The following PCDH7 variants were observed in gnomAD, a reference collection of about 807,000 sequenced individuals.
PCDH7 encodes the protein protocadherin-7.
PCDH7 carries 17 observed loss-of-function variants against 58.9 expected under a neutral mutation model. The ratio of observed to expected loss-of-function variants is 0.29; its 90% CI spans 0.20 to 0.43. PCDH7 has a LOEUF of 0.43. Ranked by LOEUF, PCDH7 falls within the 20% of genes least tolerant of loss-of-function variation. PCDH7 has a pLI of 1.00. For missense variants in PCDH7, 1,274 were observed against 1,441.0 expected, an observed-to-expected ratio of 0.88 and a Z score of 1.88; for synonymous variants, 664 against 616.4, an observed-to-expected ratio of 1.08 and a Z score of -1.14.
rs560085336 is a variant in PCDH7, at chr4:30,752,622, T to C, written c.70+28026T>C. 2.8e-5 allele frequency among the ~76,000 whole-genome samples: 4 copies of C among 144,432 alleles called. No individual in the cohort carries two copies. In the South Asian group the frequency reaches 9.0e-4, roughly 32 times the overall value. The allele number at this position is 144,432 out of a possible 152,430, so 94.8% of individuals were successfully genotyped here. The stretch of plus-strand genomic sequence containing the variant: ...CAGTGCACGTATGTATTAGAAGATA[T>C]GGACTCTTACTTTTTTTTTTTTTTG... On this transcript the variant is annotated intron_variant, in intron 1 of 3. Coordinates refer to the PCDH7 transcript ENST00000509759.
chr4:31,017,517 A>G (rs1753712590), intron 3 of PCDH7, among the ~76,000 whole-genome samples: 1 of 152,168 alleles, frequency 6.6e-6, no homozygotes, highest in Non-Finnish European at 1.5e-5. Context: ...AGTAGAAGAA[A>G]TTAAGTAGAA....
chr4:31,083,459 T>C (rs1711888921), intron 3 of PCDH7, among the ~76,000 whole-genome samples: 1 of 152,226 alleles, frequency 6.6e-6, no homozygotes, highest in Non-Finnish European at 1.5e-5. Flanking sequence ...CCACTTAAAT[T>C]ATTTTGCTTT....
At chr4:30,911,518 G>A (rs4692486) in intron 1 of PCDH7, among the ~76,000 whole-genome samples, 11 of 151,854 alleles carry the variant, frequency 7.2e-5, no homozygotes, top group African/African-American at 2.7e-4. Flanking sequence ...TTAAAATAAC[G>A]CAGCAATAAA....
intron 3 of PCDH7, among the ~76,000 whole-genome samples, chr4:31,113,455 A>T (rs1427068163): frequency 6.6e-6 from 1 of 152,202 alleles, no homozygotes; most frequent in Non-Finnish European, 1.5e-5. Context: ...AAAGATCCTC[A>T]TGTAGGACAT....
At chr4:30,734,837 G>A (rs954287169), downstream of PCDH7, among the ~76,000 whole-genome samples, 4 of 152,050 alleles carry the variant, frequency 2.6e-5, no homozygotes, top group Non-Finnish European at 5.9e-5. Flanking sequence ...TTGGAATATG[G>A]GGTGGCTATT....
At chr4:31,076,877 A>T (rs1759040073) in intron 3 of PCDH7, among the ~76,000 whole-genome samples, 1 of 152,178 alleles carries the variant, frequency 6.6e-6, no homozygotes, top group African/African-American at 2.4e-5. Context: ...TTGCACACTT[A>T]GGATAAAAGG....
Position 31,131,375 on chromosome 4 carries a change from T to A in PCDH7, c.*8-11098T>A, listed in dbSNP as rs529662712. On this transcript the variant is annotated intron_variant, in intron 3 of 3. Transcript: ENST00000509759. ...TTGTTTGCTGGTCACCAGAGATCATTTTCTTCCTTTTCCTTTTATTTACCT... is the reference window on the plus strand; with the variant it reads ...TTGTTTGCTGGTCACCAGAGATCATATTCTTCCTTTTCCTTTTATTTACCT... Among the ~76,000 whole-genome samples the A allele has an allele frequency of 3.9e-5, 6 of 152,286 alleles. No individual in the cohort carries two copies. In the East Asian group the frequency reaches 1.2e-3, roughly 29 times the overall value.
At chr4:30,906,624 G>A (rs914579356) in intron 1 of PCDH7, among the ~76,000 whole-genome samples, 1 of 152,152 alleles carries the variant, frequency 6.6e-6, no homozygotes, top group African/African-American at 2.4e-5. Flanking sequence ...TTGAAACAAT[G>A]AGATATATTT....
At chr4:31,003,600 C>A (rs1437188720) in intron 3 of PCDH7, among the ~76,000 whole-genome samples, 1 of 151,964 alleles carries the variant, frequency 6.6e-6, no homozygotes, top group East Asian at 1.9e-4. Context: ...ACCACTATGT[C>A]GGCGCTCAAA....
intron 3 of PCDH7, among the ~76,000 whole-genome samples, chr4:30,964,324 C>G (rs1267772584): frequency 6.6e-6 from 1 of 151,516 alleles, no homozygotes; most frequent in African/African-American, 2.4e-5. Context: ...TCACTGCAAG[C>G]TCTGCCTCTT....
At chr4:31,038,769 C>T (rs1406295196) in intron 3 of PCDH7, among the ~76,000 whole-genome samples, 35 of 152,090 alleles carry the variant, frequency 2.3e-4, no homozygotes, top group Admixed American at 2.2e-3. Flanking sequence ...ATCAATTCTT[C>T]TATTGATGGA....
intron 1 of PCDH7, among the ~76,000 whole-genome samples, chr4:30,809,474 A>G (rs1029928544): frequency 2.0e-5 from 3 of 152,204 alleles, no homozygotes; most frequent in South Asian, 2.1e-4. Context: ...CTAGTCTATA[A>G]TAAATGCTGT....
At chr4:30,844,098 A>C (rs950922691) in intron 1 of PCDH7, among the ~76,000 whole-genome samples, 4 of 152,132 alleles carry the variant, frequency 2.6e-5, no homozygotes, top group African/African-American at 9.7e-5. Flanking sequence ...GATTATTTAC[A>C]TAAGTGGCTT....
intron 3 of PCDH7, among the ~76,000 whole-genome samples, chr4:30,972,146 A>G (rs1457661005): frequency 6.6e-6 from 1 of 152,168 alleles, no homozygotes; most frequent in African/African-American, 2.4e-5. Context: ...TTTTATAACT[A>G]AAATAATTCC....
At chr4:30,911,429 G>C (rs1211875450) in intron 1 of PCDH7, among the ~76,000 whole-genome samples, 3 of 151,014 alleles carry the variant, frequency 2.0e-5, no homozygotes, top group African/African-American at 7.3e-5. Flanking sequence ...AGCTGTGGCA[G>C]AGACCTATGG....
chr4:30,988,623 TAA>T (rs1283120359), intron 3 of PCDH7, among the ~76,000 whole-genome samples: 1 of 152,234 alleles, frequency 6.6e-6, no homozygotes, highest in African/African-American at 2.4e-5. Context: ...TAGTTTTGTT[TAA>T]GACACTAAAT....
intron 1 of PCDH7, among the ~76,000 whole-genome samples, chr4:30,882,885 C>T (rs536523814): frequency 1.3e-5 from 2 of 152,304 alleles, no homozygotes; most frequent in African/African-American, 4.8e-5. Context: ...GTTAACCTTA[C>T]TCCATTTTCA....
intron 3 of PCDH7, among the ~76,000 whole-genome samples, chr4:31,048,416 T>A (rs1048566001): frequency 6.6e-6 from 1 of 152,250 alleles, no homozygotes; most frequent in South Asian, 2.1e-4. Flanking sequence ...CATGTAAATA[T>A]TGACACTTTC....
At chr4:30,921,275 G>C (rs1260974180) in intron 2 of PCDH7, among the ~76,000 whole-genome samples, 2 of 151,962 alleles carry the variant, frequency 1.3e-5, no homozygotes, top group Non-Finnish European at 2.9e-5. Flanking sequence ...GAAAGGAAAG[G>C]AATCACACAC....
Sources: gnomAD v4.1 joint callset for allele counts (sites outside exome capture counted in the v4.1 genomes callset) on GRCh38, gnomAD v4.1.1 for gene constraint, MANE v1.5 for transcripts, NCBI Gene and HGNC (gene_info 2026-07-23, HGNC 2026-07-21) for gene names.